LRRC4C: variants seen among roughly 807,000 people sequenced by gnomAD.
The protein encoded by LRRC4C is leucine rich repeat containing 4C, also known as leucine-rich repeat-containing protein 4C.
Under a neutral mutation model 33.6 loss-of-function variants are expected in LRRC4C, and 5 were observed. That is an observed-to-expected ratio of 0.15 (90% confidence interval 0.08 to 0.31). LRRC4C has a LOEUF of 0.31. Ranked by LOEUF, LRRC4C falls within the 10% of genes least tolerant of loss-of-function variation. The pLI is 1.00. For synonymous variants in LRRC4C, 329 were observed against 302.0 expected (o/e 1.09, Z -0.93); for missense variants, 560 against 796.7 (o/e 0.70, Z 3.58).
At chr11:41,118,180 AC>A (rs1180346909) in intron 1 of LRRC4C, among the ~76,000 whole-genome samples, 1 of 152,174 alleles carries the variant, frequency 6.6e-6, no homozygotes, top group Non-Finnish European at 1.5e-5. Flanking sequence ...TTCACCCTTG[AC>A]CAATATATCC....
chr11:41,086,843 A>G (rs553402693), intron 1 of LRRC4C, among the ~76,000 whole-genome samples: 22 of 152,236 alleles, frequency 1.4e-4, no homozygotes, highest in African/African-American at 5.1e-4. Flanking sequence ...TGTATGGAAT[A>G]AAGCCAAACA....
At chr11:40,176,436 G>A (rs1382721914) in intron 5 of LRRC4C, among the ~76,000 whole-genome samples, 3 of 151,924 alleles carry the variant, frequency 2.0e-5, no homozygotes, top group Non-Finnish European at 4.4e-5. Context: ...CGAAATGAAT[G>A]AGATTAAGAG....
chr11:41,016,023 A>G (rs776875777), intron 1 of LRRC4C, among the ~76,000 whole-genome samples: 1 of 152,154 alleles, frequency 6.6e-6, no homozygotes, highest in African/African-American at 2.4e-5. Flanking sequence ...AACAACAAAA[A>G]GTATCAAGAA....
intron 1 of LRRC4C, among the ~76,000 whole-genome samples, chr11:41,010,469 T>C (rs1438989984): frequency 6.6e-6 from 1 of 152,124 alleles, no homozygotes; most frequent in Non-Finnish European, 1.5e-5. Flanking sequence ...TGAGAATACT[T>C]TTATACACAG....
chr11:40,686,945 A>G lies in LRRC4C; in HGVS notation c.-406-38667T>C, dbSNP rs7118291. Reference sequence around the variant, plus strand: ...AGTGGCAATCATATTACCTATTGGTAATACAAAACCTCAGGCCACACGCAA... The same window carrying G: ...AGTGGCAATCATATTACCTATTGGTGATACAAAACCTCAGGCCACACGCAA... On this transcript the variant is annotated intron_variant, in intron 2 of 6. Transcript: ENST00000528697. Among the ~76,000 whole-genome samples, 866 of 152,190 alleles carry G rather than the reference A, an allele frequency of 5.7e-3. 14 individuals carry two copies. Among genetic ancestry groups the G allele is most frequent in the African/African-American group, 0.02 (826 of 41,548 alleles).
intron 1 of LRRC4C, among the ~76,000 whole-genome samples, chr11:41,017,172 C>G (rs1367502208): frequency 6.6e-6 from 1 of 152,106 alleles, no homozygotes; most frequent in Non-Finnish European, 1.5e-5. Context: ...CCATTATTCA[C>G]AAATATCTTT....
At chr11:41,208,419 G>A (rs11826201) in intron 1 of LRRC4C, among the ~76,000 whole-genome samples, 3,149 of 152,258 alleles carry the variant, frequency 0.021, 106 homozygotes, top group African/African-American at 0.071. Context: ...GCCTGTGCAT[G>A]TTGCCAAAAA....
chr11:40,820,194 C>T (rs906049925), intron 2 of LRRC4C, among the ~76,000 whole-genome samples: 6 of 151,984 alleles, frequency 3.9e-5, no homozygotes, highest in African/African-American at 1.2e-4. Context: ...GTAATGTACT[C>T]ATGTTTGATT....
At chr11:40,854,352 G>T (rs1565136712) in intron 2 of LRRC4C, among the ~76,000 whole-genome samples, 1 of 152,174 alleles carries the variant, frequency 6.6e-6, no homozygotes, top group Non-Finnish European at 1.5e-5. Flanking sequence ...TTTTAAAAGA[G>T]AAGGGCCAGA....
intron 3 of LRRC4C, among the ~76,000 whole-genome samples, chr11:40,616,657 A>G (rs1358369909): frequency 6.6e-6 from 1 of 151,870 alleles, no homozygotes; most frequent in Non-Finnish European, 1.5e-5. Flanking sequence ...AACTATCGCA[A>G]GGACAAAAAA....
At chr11:40,208,948 C>CGTGTGT (rs58767227) in intron 5 of LRRC4C, among the ~76,000 whole-genome samples, 66,745 of 146,442 alleles carry the variant, frequency 0.46, 15,844 homozygotes, top group South Asian at 0.58. Flanking sequence ...CTTTTGTGCA[C>CGTGTGT]GTGTGTGTGT....
intron 1 of LRRC4C, among the ~76,000 whole-genome samples, chr11:41,226,741 T>TACATACACACAC (rs1555116216): frequency 5.8e-5 from 8 of 137,082 alleles, no homozygotes; most frequent in Admixed American, 3.7e-4. Context: ...TCCTTACCAT[T>TACATACACACAC]ACACACACAC....
chr11:41,276,428 CTTAACTT>C lies in LRRC4C; in HGVS notation c.-496+182996_-496+183002del, dbSNP rs533721157. Among the ~76,000 whole-genome samples, 430 of 152,244 alleles carry C rather than the reference CTTAACTT, an allele frequency of 2.8e-3. 6 individuals carry two copies. The highest frequency in any genetic ancestry group is 7.8e-4 in the Non-Finnish European group (53 of 68,002). On this transcript the variant is annotated intron_variant, in intron 1 of 6. Transcript: ENST00000528697. ...TTCTTATGCTATTCAACTGAAAACT[CTTAACTT>C]TTAAGTCAGTTTAAACTTCACTTTA...
At chr11:40,623,990 G>A (rs1390704762) in intron 3 of LRRC4C, among the ~76,000 whole-genome samples, 2 of 152,106 alleles carry the variant, frequency 1.3e-5, no homozygotes, top group Non-Finnish European at 2.9e-5. Context: ...GCCTGTGTGT[G>A]CATGTGTGCA....
intron 2 of LRRC4C, among the ~76,000 whole-genome samples, chr11:40,888,352 G>T (rs945640636): frequency 3.3e-5 from 5 of 151,886 alleles, no homozygotes; most frequent in African/African-American, 1.2e-4. Flanking sequence ...TTTGTTTCCA[G>T]TAAGTGGAAG....
chr11:41,269,664 C>T (rs1484006167), intron 1 of LRRC4C, among the ~76,000 whole-genome samples: 1 of 152,082 alleles, frequency 6.6e-6, no homozygotes, highest in Admixed American at 6.6e-5. Flanking sequence ...CTGACACACG[C>T]TGATTTTCCT....
At chr11:41,406,195 T>C (rs1954224536) in intron 1 of LRRC4C, among the ~76,000 whole-genome samples, 1 of 152,142 alleles carries the variant, frequency 6.6e-6, no homozygotes, top group Non-Finnish European at 1.5e-5. Context: ...ATTTTGAAGA[T>C]GCAAATACCA....
intron 1 of LRRC4C, among the ~76,000 whole-genome samples, chr11:41,058,842 T>C (rs980400533): frequency 1.4e-4 from 21 of 152,008 alleles, no homozygotes; most frequent in Non-Finnish European, 2.4e-4. Context: ...ATAAAGAAAA[T>C]ATGGTGATTA....
intron 3 of LRRC4C, among the ~76,000 whole-genome samples, chr11:40,401,782 C>T (rs1371868955): frequency 1.3e-5 from 2 of 152,092 alleles, no homozygotes; most frequent in Non-Finnish European, 2.9e-5. Flanking sequence ...TATGAGGATG[C>T]TGTGTATAAA....
Sources: allele counts gnomAD v4.1 joint callset (sites outside exome capture counted in the v4.1 genomes callset), GRCh38; gene constraint gnomAD v4.1.1; transcripts MANE v1.5; gene names NCBI Gene and HGNC (gene_info 2026-07-23, HGNC 2026-07-21).